Variants in SGCZ observed in about 807,000 individuals in gnomAD.
SGCZ encodes the protein zeta-sarcoglycan.
SGCZ carries 40 observed loss-of-function variants against 41.3 expected under a neutral mutation model. That is an observed-to-expected ratio of 0.97 (90% CI 0.75 to 1.26). The LOEUF is 1.26. SGCZ is among the 50% of genes most tolerant of loss of function. The pLI is 0.00. For missense variants in SGCZ, 552 were observed against 369.8 expected, an observed-to-expected ratio of 1.49 and a Z score of -4.04; for synonymous variants, 206 against 137.5, an observed-to-expected ratio of 1.50 and a Z score of -3.49.
At chr8:14,131,437 A>G (rs371760693) in intron 5 of SGCZ, among the ~76,000 whole-genome samples, 49 of 152,282 alleles carry the variant, frequency 3.2e-4, no homozygotes, top group African/African-American at 1.1e-3. Context: ...TAGAACTTTT[A>G]GCAATTTCTG....
At chr8:14,597,953 G>A (rs777275811) in intron 1 of SGCZ, among the ~76,000 whole-genome samples, 2 of 151,886 alleles carry the variant, frequency 1.3e-5, no homozygotes, top group African/African-American at 2.4e-5. Context: ...TTATTTTCAC[G>A]TATTCTTCAT....
chr8:14,545,405 A>G (rs1244427622), intron 2 of SGCZ, among the ~76,000 whole-genome samples: 1 of 121,006 alleles, frequency 8.3e-6, no homozygotes, highest in Non-Finnish European at 1.6e-5. Flanking sequence ...TTTGAAAAGC[A>G]AATGCTTACT....
chr8:14,956,580 A>T (rs1800799441), intron 1 of SGCZ, among the ~76,000 whole-genome samples: 1 of 152,220 alleles, frequency 6.6e-6, no homozygotes. Context: ...AGAGACAGAC[A>T]AAAACACAAA....
At chr8:14,180,804 C>T (rs1804697171) in intron 4 of SGCZ, among the ~76,000 whole-genome samples, 1 of 151,916 alleles carries the variant, frequency 6.6e-6, no homozygotes, top group Admixed American at 6.6e-5. Flanking sequence ...CCTGAGAACA[C>T]CAATGGATCT....
In SGCZ at chr8:14,090,451, A is replaced by C; in HGVS notation, c.931T>G (p.Trp311Gly). The C allele has an allele frequency of 6.2e-7, 1 of 1,611,998 alleles. No individual in the cohort carries two copies. The highest frequency in any genetic ancestry group is 8.5e-7 in the Non-Finnish European group (1 of 1,178,896). Residue 311 changes from tryptophan to glycine, a missense_variant, in exon 8 of 8, where the codon TGG (tryptophan) becomes GGG (glycine). Coordinates refer to ENST00000382080, the MANE Select transcript of SGCZ (RefSeq NM_139167.4). Reference sequence around the variant, plus strand: ...AGGAGAAATCAGTCACTTCAGCTCCACAGGCAGATGTTGCTACTGGACTGA... The same window carrying C: ...AGGAGAAATCAGTCACTTCAGCTCCCCAGGCAGATGTTGCTACTGGACTGA... ...TCQSSSNICL[W>G]S
At position 14,520,096 on chromosome 8, in the gene SGCZ, A is replaced by G. The variant is rs370189286; in HGVS notation, c.234+34636T>C. Among the ~76,000 whole-genome samples the G allele has an allele frequency of 3.9e-4, 59 of 152,290 alleles. 1 individual carries two copies. The highest frequency in any genetic ancestry group is 1.4e-3 in the African/African-American group (58 of 41,574). On this transcript the variant is annotated intron_variant, in intron 2 of 7. Transcript: ENST00000382080. ...AACAATCATTCCACAATGACAAGCT[A>G]TAGTCAGCTTGATTTATAATACATC...
At chr8:14,513,173 G>C (rs1171294040) in intron 2 of SGCZ, among the ~76,000 whole-genome samples, 1 of 151,956 alleles carries the variant, frequency 6.6e-6, no homozygotes, top group Admixed American at 6.6e-5. Context: ...CTCCCAAGTA[G>C]CTGAGTCTAT....
At chr8:14,595,777 C>T (rs1805392403) in intron 1 of SGCZ, among the ~76,000 whole-genome samples, 1 of 152,176 alleles carries the variant, frequency 6.6e-6, no homozygotes, top group Non-Finnish European at 1.5e-5. Flanking sequence ...ACAGGGAAAA[C>T]ACGGGTGCTG....
intron 2 of SGCZ, among the ~76,000 whole-genome samples, chr8:14,353,365 C>T (rs1803170978): frequency 6.6e-6 from 1 of 152,030 alleles, no homozygotes; most frequent in East Asian, 1.9e-4. Context: ...TTTCACATAC[C>T]TGTGTAGTGA....
intron 2 of SGCZ, among the ~76,000 whole-genome samples, chr8:14,493,355 C>CTTTTTTTT (rs1563365484): frequency 4.5e-5 from 3 of 66,240 alleles, no homozygotes; most frequent in African/African-American, 1.2e-4. Context: ...CACTATCATC[C>CTTTTTTTT]TTTCTTTTTT....
chr8:14,185,695 G>T lies in SGCZ; in HGVS notation c.425-20993C>A, dbSNP rs62492285. Among the ~76,000 whole-genome samples, 542 of 151,720 alleles carry T rather than the reference G, an allele frequency of 3.6e-3. 3 individuals are homozygous for T. The highest frequency in any genetic ancestry group is 5.7e-3 in the Non-Finnish European group (384 of 67,926). On this transcript the variant is annotated intron_variant, in intron 4 of 7. Transcript: ENST00000382080. ...TTGTGTTTTGTTTTGTTTTGTTTTG[G>T]TCTATATCCCTGCTCACTCATCGTC...
At chr8:14,448,571 C>G (rs1203902060) in intron 2 of SGCZ, among the ~76,000 whole-genome samples, 1 of 152,186 alleles carries the variant, frequency 6.6e-6, no homozygotes, top group Non-Finnish European at 1.5e-5. Flanking sequence ...AACCTAACTT[C>G]ATGATTACAC....
chr8:14,330,753 A>G (rs1802288606), intron 2 of SGCZ, among the ~76,000 whole-genome samples: 1 of 152,182 alleles, frequency 6.6e-6, no homozygotes, highest in East Asian at 1.9e-4. Flanking sequence ...CCAAAGATTT[A>G]AGATACTGCT....
intron 1 of SGCZ, among the ~76,000 whole-genome samples, chr8:14,730,621 G>C (rs1162964328): frequency 1.3e-5 from 2 of 151,726 alleles, no homozygotes; most frequent in Non-Finnish European, 2.9e-5. Context: ...CTTGAAGTGA[G>C]AGCACATGGA....
chr8:14,331,384 T>C (rs1303790321), intron 2 of SGCZ, among the ~76,000 whole-genome samples: 1 of 152,130 alleles, frequency 6.6e-6, no homozygotes, highest in Non-Finnish European at 1.5e-5. Context: ...GCTGTGTTTT[T>C]TAATACTTTA....
chr8:14,406,805 T>G (rs1336857604), intron 2 of SGCZ, among the ~76,000 whole-genome samples: 1 of 152,044 alleles, frequency 6.6e-6, no homozygotes, highest in South Asian at 2.1e-4. Context: ...TAATTAAAAG[T>G]GGGTATAAAT....
At chr8:14,293,663 G>C (rs1800918126) in intron 3 of SGCZ, among the ~76,000 whole-genome samples, 2 of 151,750 alleles carry the variant, frequency 1.3e-5, no homozygotes, top group African/African-American at 4.8e-5. Context: ...GGTTCATAAG[G>C]TTAATTAACG....
At chr8:14,713,682 C>A (rs1809594407) in intron 1 of SGCZ, among the ~76,000 whole-genome samples, 2 of 144,024 alleles carry the variant, frequency 1.4e-5, no homozygotes, top group East Asian at 2.0e-4. Context: ...CAGTAATAAC[C>A]CCTGCCGCAA....
intron 2 of SGCZ, among the ~76,000 whole-genome samples, chr8:14,408,935 C>T (rs1226866140): frequency 8.3e-6 from 1 of 120,208 alleles, no homozygotes; most frequent in Non-Finnish European, 1.7e-5. Flanking sequence ...AAAGCTAACA[C>T]ATTTTTAAAT....
Sources: gnomAD v4.1 joint callset for allele counts (sites outside exome capture counted in the v4.1 genomes callset) on GRCh38, gnomAD v4.1.1 for gene constraint, MANE v1.5 for transcripts, NCBI Gene and HGNC (gene_info 2026-07-23, HGNC 2026-07-21) for gene names.